Variants in CNTNAP5 observed in about 807,000 individuals in gnomAD.
CNTNAP5 encodes contactin-associated protein-like 5.
Under a neutral mutation model 150.2 loss-of-function variants are expected in CNTNAP5, and 72 were observed. The ratio of observed to expected loss-of-function variants is 0.48; its 90% CI spans 0.40 to 0.58. The LOEUF (loss-of-function observed/expected upper bound fraction) is 0.58, where lower values mean the gene tolerates loss of function less well. Among genes scored for constraint, CNTNAP5 ranks in the 20% least tolerant of loss-of-function variants. The probability of loss-of-function intolerance (pLI) is 0.00; values close to 1 mark genes in which losing one functional copy is unlikely to be tolerated. For missense variants in CNTNAP5, 1,636 were observed against 1,626.2 expected, an observed-to-expected ratio of 1.01 and a Z score of -0.10; for synonymous variants, 672 against 619.8, an observed-to-expected ratio of 1.08 and a Z score of -1.25.
intron 3 of CNTNAP5, among the ~76,000 whole-genome samples, chr2:124,251,201 T>G (rs189034325): frequency 6.6e-6 from 1 of 152,268 alleles, no homozygotes; most frequent in Non-Finnish European, 1.5e-5. Flanking sequence ...CACCCTAGAC[T>G]TGTCTTGAAA....
chr2:124,159,377 G>A (rs1684620630), intron 1 of CNTNAP5, among the ~76,000 whole-genome samples: 1 of 152,194 alleles, frequency 6.6e-6, no homozygotes, highest in South Asian at 2.1e-4. Context: ...CAACTCTGTT[G>A]TAATATCAGG....
intron 19 of CNTNAP5, among the ~76,000 whole-genome samples, chr2:124,847,031 C>T (rs2104699220): frequency 6.6e-6 from 1 of 152,312 alleles, no homozygotes. Flanking sequence ...GTTTAGAGTG[C>T]TGGTTGCATG....
chr2:124,184,502 G>T (rs1374184678), intron 1 of CNTNAP5, among the ~76,000 whole-genome samples: 1 of 152,162 alleles, frequency 6.6e-6, no homozygotes, highest in Non-Finnish European at 1.5e-5. Context: ...TTGTCAAATT[G>T]AAATTAATCT....
At chr2:124,326,972 C>CTTTTTT (rs1192969997) in intron 3 of CNTNAP5, among the ~76,000 whole-genome samples, 1 of 68,514 alleles carries the variant, frequency 1.5e-5, no homozygotes, top group African/African-American at 5.9e-5. Flanking sequence ...TAGATCCTGA[C>CTTTTTT]TTTTTTTTTT....
chr2:124,562,673 C>T (rs1196694215), intron 10 of CNTNAP5, among the ~76,000 whole-genome samples: 1 of 152,112 alleles, frequency 6.6e-6, no homozygotes, highest in Non-Finnish European at 1.5e-5. Flanking sequence ...TTAAGGATAG[C>T]ATTTACACTT....
chr2:124,501,538 G>A (rs772699528), intron 7 of CNTNAP5, among the ~76,000 whole-genome samples: 5 of 152,160 alleles, frequency 3.3e-5, no homozygotes, highest in Non-Finnish European at 5.9e-5. Context: ...CTAAATGGCC[G>A]GTGGGAACTT....
At chr2:124,220,187 T>A (rs1168825923) in intron 1 of CNTNAP5, among the ~76,000 whole-genome samples, 2 of 152,128 alleles carry the variant, frequency 1.3e-5, no homozygotes, top group Admixed American at 1.3e-4. Flanking sequence ...TGAGAGCCTT[T>A]ACTACCATGA....
intron 10 of CNTNAP5, among the ~76,000 whole-genome samples, chr2:124,552,975 A>G (rs1265928375): frequency 6.6e-6 from 1 of 152,202 alleles, no homozygotes; most frequent in Non-Finnish European, 1.5e-5. Context: ...TTTAACTGTT[A>G]TCAATGATAA....
rs553756521 is a variant in CNTNAP5 at position 124,534,666 on chromosome 2, A to T, written c.1649+7210A>T. Among the ~76,000 whole-genome samples the T allele has an allele frequency of 3.3e-5, 5 of 152,322 alleles. No homozygotes were observed. In the East Asian group the frequency reaches 9.7e-4, roughly 29 times the overall value. ...AAGGCAGGTGGATCACGAGGTCAGG[A>T]CATGGAGACCATCTTGGTCAACATG... On this transcript the variant is annotated intron_variant, in intron 10 of 23. Transcript: ENST00000682447.
chr2:124,498,883 C>T (rs1021414555), intron 7 of CNTNAP5, among the ~76,000 whole-genome samples: 3 of 152,138 alleles, frequency 2.0e-5, no homozygotes, highest in African/African-American at 4.8e-5. Context: ...TGTGGGTCTT[C>T]AGTCTCAGAT....
intron 21 of CNTNAP5, among the ~76,000 whole-genome samples, chr2:124,889,078 C>CTTTT (rs761790564): frequency 1.0e-4 from 7 of 68,786 alleles, no homozygotes; most frequent in Non-Finnish European, 1.2e-4. Flanking sequence ...TGAGGTCTAG[C>CTTTT]TTTTTTTTTT....
chr2:124,763,027 A>G (rs1285263992), intron 14 of CNTNAP5, among the ~76,000 whole-genome samples: 1 of 152,140 alleles, frequency 6.6e-6, no homozygotes. Context: ...CTTAAACAAA[A>G]GGGGAAAATA....
At chr2:124,057,471 T>TTTTTC (rs1305604939) in intron 1 of CNTNAP5, among the ~76,000 whole-genome samples, 1 of 137,798 alleles carries the variant, frequency 7.3e-6, no homozygotes, top group East Asian at 2.0e-4. Flanking sequence ...TTTTTTTTTT[T>TTTTTC]AGTAGAGATG....
At chr2:124,791,976 A>G (rs1681744760) in intron 18 of CNTNAP5, among the ~76,000 whole-genome samples, 1 of 152,164 alleles carries the variant, frequency 6.6e-6, no homozygotes, top group Admixed American at 6.5e-5. Context: ...TTTTAGTCAC[A>G]TCTTTGAGCC....
intron 4 of CNTNAP5, among the ~76,000 whole-genome samples, chr2:124,418,511 A>C (rs556393062): frequency 2.8e-4 from 43 of 152,330 alleles, no homozygotes; most frequent in African/African-American, 1.0e-3. Flanking sequence ...ATTTCTGAAA[A>C]TGGAAATCCA....
chr2:124,027,580 T>A (rs1680931749), intron 1 of CNTNAP5, among the ~76,000 whole-genome samples: 1 of 152,252 alleles, frequency 6.6e-6, no homozygotes, highest in Non-Finnish European at 1.5e-5. Flanking sequence ...GTTAATGTGT[T>A]TTAAAAATGC....
In CNTNAP5 at chr2:124,785,509, C is replaced by T. The variant is rs536241409; in HGVS notation, c.2753-4393C>T. Reference sequence around the variant, plus strand: ...ATATGAGTTCAGGTGTGCATGTCTGCGACTACAGGGGTAGTGTAGGACAAA... The same window carrying T: ...ATATGAGTTCAGGTGTGCATGTCTGTGACTACAGGGGTAGTGTAGGACAAA... On this transcript the variant is annotated intron_variant, in intron 17 of 23. Transcript: ENST00000682447. 3.6e-4 allele frequency among the ~76,000 whole-genome samples: 55 copies of T among 152,256 alleles called. 1 individual carries two copies. The highest frequency in any genetic ancestry group is 2.1e-3 in the Admixed American group (32 of 15,298).
At chr2:124,375,881 A>C (rs1000496257) in intron 3 of CNTNAP5, among the ~76,000 whole-genome samples, 1 of 152,122 alleles carries the variant, frequency 6.6e-6, no homozygotes, top group African/African-American at 2.4e-5. Flanking sequence ...ACACTGTTAA[A>C]CTCAAAACTA....
intron 13 of CNTNAP5, among the ~76,000 whole-genome samples, chr2:124,718,234 A>C (rs942245114): frequency 6.6e-6 from 1 of 152,220 alleles, no homozygotes; most frequent in African/African-American, 2.4e-5. Flanking sequence ...AAGTATTATT[A>C]TTCATTAATT....
Sources: allele counts gnomAD v4.1 joint callset (sites outside exome capture counted in the v4.1 genomes callset), GRCh38; gene constraint gnomAD v4.1.1; transcripts MANE v1.5; gene names NCBI Gene and HGNC (gene_info 2026-07-23, HGNC 2026-07-21).